Variants in VWC2L observed in about 807,000 individuals in gnomAD.
VWC2L encodes von Willebrand factor C domain-containing protein 2-like.
VWC2L carries 10 observed loss-of-function variants against 21.6 expected under a neutral mutation model. The ratio of observed to expected loss-of-function variants is 0.46; its 90% CI spans 0.29 to 0.78. VWC2L has a LOEUF of 0.78. VWC2L is among the 30% of genes least tolerant of loss of function. VWC2L has a pLI of 0.10. For synonymous variants in VWC2L, 96 were observed against 94.3 expected (o/e 1.02, Z -0.10); for missense variants, 209 against 277.1 (o/e 0.75, Z 1.74).
chr2:214,430,963 G>A (rs559720637), intron 2 of VWC2L, among the ~76,000 whole-genome samples: 2 of 152,218 alleles, frequency 1.3e-5, no homozygotes, highest in African/African-American at 2.4e-5. Flanking sequence ...AGAGCAGATC[G>A]CTGAAGAGGT....
At chr2:214,532,075 G>C (rs570768456) in intron 3 of VWC2L, among the ~76,000 whole-genome samples, 8 of 152,086 alleles carry the variant, frequency 5.3e-5, no homozygotes, top group Non-Finnish European at 1.2e-4. Context: ...TAAATTTTGA[G>C]ATCATGAAAT....
At chr2:214,483,775 T>C (rs892896367) in intron 3 of VWC2L, among the ~76,000 whole-genome samples, 3 of 152,170 alleles carry the variant, frequency 2.0e-5, no homozygotes, top group Admixed American at 1.3e-4. Flanking sequence ...AGAGGTGGGA[T>C]ACTTGGGCTT....
At chr2:214,461,813 T>C (rs921771117) in intron 3 of VWC2L, among the ~76,000 whole-genome samples, 1 of 152,070 alleles carries the variant, frequency 6.6e-6, no homozygotes, top group African/African-American at 2.4e-5. Context: ...AGTGGCGGTA[T>C]GTGGAGAAAG....
chr2:214,444,862 AT>A (rs889068383), intron 3 of VWC2L, among the ~76,000 whole-genome samples: 14 of 152,026 alleles, frequency 9.2e-5, no homozygotes, highest in African/African-American at 2.9e-4. Flanking sequence ...ATAAAAATAA[AT>A]TTAAGTTGGA....
chr2:214,445,025 G>GT (rs1420190475), intron 3 of VWC2L, among the ~76,000 whole-genome samples: 5 of 151,780 alleles, frequency 3.3e-5, no homozygotes, highest in Admixed American at 3.3e-4. Flanking sequence ...AATTTCATCT[G>GT]TAAGTTTTTT....
At chr2:214,525,086 T>C (rs13430255) in intron 3 of VWC2L, 82,804 of 151,088 alleles carry the variant, frequency 0.55, 23,022 homozygotes, top group East Asian at 0.73. Flanking sequence ...CACATACACT[T>C]TTAAATAATG....
intron 3 of VWC2L, among the ~76,000 whole-genome samples, chr2:214,541,556 G>T (rs1296656203): frequency 1.3e-5 from 2 of 152,178 alleles, no homozygotes; most frequent in Non-Finnish European, 2.9e-5. Context: ...GTAGTGCATG[G>T]ATGAAAATGG....
intron 3 of VWC2L, among the ~76,000 whole-genome samples, chr2:214,462,625 C>CA (rs988733369): frequency 6.6e-6 from 1 of 152,134 alleles, no homozygotes; most frequent in Non-Finnish European, 1.5e-5. Context: ...TTTATTTTCT[C>CA]AAAGAACCAA....
intron 3 of VWC2L, 105 bp downstream of exon 3, chr2:214,436,863 G>A (rs942147216): frequency 2.2e-6 from 3 of 1,358,480 alleles, no homozygotes; most frequent in African/African-American, 1.4e-5. Context: ...TCTGCCTGTG[G>A]CTTTTCAATA....
chr2:214,478,647 A>C (rs1688560149), intron 3 of VWC2L, among the ~76,000 whole-genome samples: 1 of 151,978 alleles, frequency 6.6e-6, no homozygotes, highest in South Asian at 2.1e-4. Context: ...GCGTGTCCTC[A>C]CCCTCCAGGT....
chr2:214,431,645 T>G (rs959112104), intron 2 of VWC2L, among the ~76,000 whole-genome samples: 5 of 152,252 alleles, frequency 3.3e-5, no homozygotes, highest in African/African-American at 9.6e-5. Flanking sequence ...GTTGTTGGGC[T>G]TTGTACTCTA....
intron 3 of VWC2L, among the ~76,000 whole-genome samples, chr2:214,511,395 GA>G (rs1427279801): frequency 6.6e-6 from 1 of 152,198 alleles, no homozygotes; most frequent in East Asian, 1.9e-4. Flanking sequence ...TCTGGAGATA[GA>G]GCCTTTAGGA....
At chr2:214,514,074 T>G (rs1157968102) in intron 3 of VWC2L, among the ~76,000 whole-genome samples, 1 of 152,088 alleles carries the variant, frequency 6.6e-6, no homozygotes, top group Non-Finnish European at 1.5e-5. Flanking sequence ...ATACACACAC[T>G]CATGCAAACG....
At chr2:214,556,785 C>A (rs1689879196) in intron 3 of VWC2L, among the ~76,000 whole-genome samples, 2 of 152,220 alleles carry the variant, frequency 1.3e-5, no homozygotes, top group Admixed American at 1.3e-4. Context: ...CTTCCTTATT[C>A]CTCCAGTTTA....
At chr2:214,473,756 T>C (rs1002023132) in intron 3 of VWC2L, 1 of 138,268 alleles carries the variant, frequency 7.2e-6, no homozygotes, top group Non-Finnish European at 1.6e-5. Flanking sequence ...TGCTCTCAGG[T>C]ACAGCGCAAC....
intron 2 of VWC2L, 163 bp from the exon 3 acceptor site, chr2:214,436,466 C>T (rs1434916504): frequency 1.1e-6 from 1 of 883,594 alleles, no homozygotes; most frequent in Non-Finnish European, 1.7e-6. Flanking sequence ...ACTTGGGTGT[C>T]TAACTTGCCT....
At chr2:214,453,712 A>G (rs1031297936) in intron 3 of VWC2L, among the ~76,000 whole-genome samples, 1 of 138,162 alleles carries the variant, frequency 7.2e-6, no homozygotes. Context: ...TTTTGTCCCA[A>G]AGAATTTTTT....
intron 3 of VWC2L, among the ~76,000 whole-genome samples, chr2:214,513,166 T>C (rs1396723683): frequency 6.6e-6 from 1 of 152,118 alleles, no homozygotes; most frequent in Non-Finnish European, 1.5e-5. Flanking sequence ...TAGAAATGAA[T>C]GTCATTTTGG....
At chr2:214,411,948 C>T (rs1209552031) in intron 1 of VWC2L, among the ~76,000 whole-genome samples, 162 bp downstream of exon 1, 1 of 151,880 alleles carries the variant, frequency 6.6e-6, no homozygotes, top group African/African-American at 2.4e-5. Context: ...TTCAGATAAA[C>T]ATTACATTTG....
Sources: gnomAD v4.1 joint callset for allele counts (sites outside exome capture counted in the v4.1 genomes callset) on GRCh38, gnomAD v4.1.1 for gene constraint, MANE v1.5 for transcripts, NCBI Gene and HGNC (gene_info 2026-07-23, HGNC 2026-07-21) for gene names.